HIRA: variants seen among roughly 807,000 people sequenced by gnomAD.
HIRA encodes the protein histone cell cycle regulator, also known as protein HIRA.
In HIRA, 13 loss-of-function variants were observed where a neutral mutation model predicts 126.6. The observed-to-expected ratio is 0.10, with a 90% CI of 0.07 to 0.16. The LOEUF (loss-of-function observed/expected upper bound fraction) is 0.16, where lower values mean the gene tolerates loss of function less well. Ranked by LOEUF, HIRA falls within the 10% of genes least tolerant of loss-of-function variation. The pLI is 1.00. For missense variants in HIRA, 834 were observed against 1,314.4 expected, an observed-to-expected ratio of 0.63 and a Z score of 5.65; for synonymous variants, 511 against 520.0, an observed-to-expected ratio of 0.98 and a Z score of 0.24.
chr22:19,429,232 G>A (rs1441966321), intron 1 of HIRA, among the ~76,000 whole-genome samples: 3 of 143,262 alleles, frequency 2.1e-5, no homozygotes, highest in Non-Finnish European at 4.5e-5. Flanking sequence ...CTACCTCCCG[G>A]GCTCAAGCGA....
intron 18 of HIRA, among the ~76,000 whole-genome samples, chr22:19,357,970 G>T (rs557924989): frequency 1.1e-4 from 17 of 152,126 alleles, no homozygotes; most frequent in Non-Finnish European, 2.2e-4. Context: ...AGCAGCACGG[G>T]CAACAAGGAG....
At chr22:19,383,780 CTT>C (rs1301870005) in intron 12 of HIRA, 75 bp from the exon 13 acceptor site, 1 of 1,152,736 alleles carries the variant, frequency 8.7e-7, no homozygotes, top group East Asian at 2.4e-5. Context: ...AATAAAGTCT[CTT>C]TTTTTCCTGG....
chr22:19,423,521 AC>A (rs2089465778), intron 1 of HIRA, among the ~76,000 whole-genome samples: 1 of 78,730 alleles, frequency 1.3e-5, no homozygotes, highest in Non-Finnish European at 2.4e-5. Flanking sequence ...ACACACACAC[AC>A]ACATATTTTC....
At chr22:19,364,946 C>G (rs945205534) in intron 15 of HIRA, among the ~76,000 whole-genome samples, 2 of 152,278 alleles carry the variant, frequency 1.3e-5, no homozygotes, top group Admixed American at 6.5e-5. Context: ...CTCCAGTGAA[C>G]ACATGTTTGA....
intron 14 of HIRA, among the ~76,000 whole-genome samples, chr22:19,376,558 C>A (rs1020711103): frequency 2.6e-5 from 4 of 152,198 alleles, no homozygotes; most frequent in African/African-American, 9.6e-5. Context: ...CTAGAATGGG[C>A]CATCCCCACA....
Position 19,351,678 on chromosome 22 carries a change from G to A in HIRA, c.2849-232C>T, listed in dbSNP as rs549176337. On this transcript the variant is annotated intron_variant, in intron 23 of 24. Coordinates refer to ENST00000263208, the MANE Select transcript of HIRA (RefSeq NM_003325.4). This position sits in a 1 kb window ranked among gnomAD's most constrained non-coding sequence, Gnocchi z 4.8. ...TCACTTGCTCACTCCCCTGACATCT[G>A]TAGTGCCTCCTCTGTGTGTTGGGCC... Among the ~76,000 whole-genome samples the A allele has an allele frequency of 6.6e-6, 1 of 152,280 alleles. No individual in the cohort carries two copies. The highest frequency in any genetic ancestry group is 6.5e-5 in the Admixed American group (1 of 15,286).
At chr22:19,389,757 A>C (rs910980309) in intron 9 of HIRA, among the ~76,000 whole-genome samples, 2 of 152,042 alleles carry the variant, frequency 1.3e-5, no homozygotes, top group African/African-American at 4.8e-5. Context: ...CAGCGCCACA[A>C]ACAGGGCCTC....
rs548724400 is a variant in HIRA at position 19,358,129 on chromosome 22, A to G, written c.2235-1078T>C. ...ATTCTCCTACCTTAGCCTCCCGAGT[A>G]GCTGGGATTACAGGCACATGCTACC... On this transcript the variant is annotated intron_variant, in intron 18 of 24. Transcript: ENST00000263208. 5.3e-5 allele frequency among the ~76,000 whole-genome samples: 8 copies of G among 152,228 alleles called. No individual in the cohort carries two copies. In the South Asian group the frequency reaches 1.7e-3, roughly 32 times the overall value.
chr22:19,381,480 G>A (rs2089072483), intron 13 of HIRA, among the ~76,000 whole-genome samples: 1 of 152,124 alleles, frequency 6.6e-6, no homozygotes, highest in African/African-American at 2.4e-5. Context: ...CCATTTAACT[G>A]AGTTTTAAAA....
intron 1 of HIRA, among the ~76,000 whole-genome samples, chr22:19,411,088 T>G (rs1197400621): frequency 6.6e-6 from 1 of 152,238 alleles, no homozygotes; most frequent in Non-Finnish European, 1.5e-5. Context: ...CATCTCCCTA[T>G]TGCATGGATC....
chr22:19,381,396 T>C (rs1013252859), intron 13 of HIRA, among the ~76,000 whole-genome samples: 2 of 152,198 alleles, frequency 1.3e-5, no homozygotes, highest in Admixed American at 1.3e-4. Flanking sequence ...GTTGCAAGAG[T>C]AGGCATTTGT....
intron 24 of HIRA, among the ~76,000 whole-genome samples, chr22:19,350,550 A>G (rs1367592099): frequency 6.6e-6 from 1 of 152,156 alleles, no homozygotes; most frequent in Non-Finnish European, 1.5e-5. Flanking sequence ...TCCAAAATAC[A>G]TCTTGAATCT....
chr22:19,412,755 A>G (rs932828420), intron 1 of HIRA, among the ~76,000 whole-genome samples: 1 of 152,182 alleles, frequency 6.6e-6, no homozygotes, highest in African/African-American at 2.4e-5. Context: ...CAAGTAACCA[A>G]TTACAGCCCA....
intron 3 of HIRA, among the ~76,000 whole-genome samples, chr22:19,408,280 A>G (rs1304966450): frequency 6.6e-6 from 1 of 152,212 alleles, no homozygotes; most frequent in East Asian, 1.9e-4. Context: ...GTACCTGCAG[A>G]CTGTCCAAAG....
At chr22:19,410,574 C>T in intron 2 of HIRA, 142 bp downstream of exon 2, 1 of 660,760 alleles carries the variant, frequency 1.5e-6, no homozygotes, top group Non-Finnish European at 2.7e-6. Flanking sequence ...ATTCAGATAA[C>T]ACATTATAAC....
intron 5 of HIRA, chr22:19,405,508 A>G (rs1454070988): frequency 3.0e-6 from 3 of 985,266 alleles, no homozygotes; most frequent in Non-Finnish European, 3.6e-6. Context: ...GTTCAGCAGG[A>G]CAAACAGCAG....
chr22:19,361,340 G>C lies in HIRA; in HGVS notation c.1982C>G (p.Ser661Cys). The C allele has an allele frequency of 1.2e-6, 2 of 1,613,882 alleles. No homozygotes were observed. Among genetic ancestry groups the C allele is most frequent in the Non-Finnish European group, 1.7e-6 (2 of 1,179,716 alleles). ...CTTCTCTGCGGTTAGGGCAGCTGGA[G>C]ACTGGAAGAGCCAGAAACGTTCCTG... is the stretch of plus-strand genomic sequence containing the variant. Reference protein sequence around the residue: ...RLMPVSLSVQSPAALTAEKEA... With the variant: ...RLMPVSLSVQCPAALTAEKEA... Residue 661 changes from serine (S) to cysteine (C), a missense_variant and splice_region_variant, in exon 17 of 25, where the codon TCT (serine) becomes TGT (cysteine). Transcript: ENST00000263208.
chr22:19,382,009 G>A (rs1158789204), intron 13 of HIRA, among the ~76,000 whole-genome samples: 1 of 151,946 alleles, frequency 6.6e-6, no homozygotes, highest in Non-Finnish European at 1.5e-5. Context: ...AAATTTATTT[G>A]CACAGAGTTC....
chr22:19,355,167 G>A (rs531945546), intron 21 of HIRA, among the ~76,000 whole-genome samples: 6 of 152,186 alleles, frequency 3.9e-5, no homozygotes, highest in African/African-American at 1.4e-4. Context: ...AGCAAGCTTT[G>A]GTTCTTAAGG....
Sources: allele counts gnomAD v4.1 joint callset (sites outside exome capture counted in the v4.1 genomes callset), GRCh38; gene constraint gnomAD v4.1.1; non-coding constraint Gnocchi (gnomAD v3.1); transcripts MANE v1.5; gene names NCBI Gene and HGNC (gene_info 2026-07-23, HGNC 2026-07-21).